HSPG2: variants seen among roughly 807,000 people sequenced by gnomAD.
HSPG2 encodes the protein basement membrane-specific heparan sulfate proteoglycan core protein.
A neutral mutation model predicts 526.6 loss-of-function variants in HSPG2; 278 were observed. The ratio of observed to expected loss-of-function variants is 0.53; its 90% CI spans 0.48 to 0.58. The LOEUF is 0.58. Ranked by LOEUF, HSPG2 falls within the 20% of genes least tolerant of loss-of-function variation. HSPG2 has a pLI of 0.00. For synonymous variants in HSPG2, 2,465 were observed against 2,555.4 expected (o/e 0.96, Z 1.07); for missense variants, 5,354 against 6,099.5 (o/e 0.88, Z 4.07).
intron 17 of HSPG2, among the ~76,000 whole-genome samples, chr1:21,879,639 G>A (rs937919801): frequency 7.3e-6 from 1 of 137,196 alleles, no homozygotes; most frequent in Non-Finnish European, 1.6e-5. Context: ...CCCTTGTCTG[G>A]ATGCTGTATC....
rs2097956319 is a variant in HSPG2, at chr1:21,823,179, T to C, written c.*137A>G. On this transcript the variant is annotated 3_prime_UTR_variant, in exon 97 of 97. Transcript: ENST00000374695. ...GTGAGGGTGGCATGCCCACCTCCAG[T>C]CCAGCCCAGGGCGGTAGCAGCAAAG... is the stretch of plus-strand genomic sequence containing the variant. The C allele has an allele frequency of 3.4e-6, 3 of 873,166 alleles. No individual in the cohort carries two copies. Among genetic ancestry groups the C allele is most frequent in the African/African-American group, 3.4e-5 (2 of 58,370 alleles). The allele number at this position is 873,166 out of a possible 1,614,324, so 54.1% of individuals were successfully genotyped here.
chr1:21,867,614 G>A lies in HSPG2; in HGVS notation c.4222-1805C>T, dbSNP rs71636994. On this transcript the variant is annotated intron_variant, in intron 33 of 96. Transcript: ENST00000374695. ...CACACAGTTTGAGAATGCATATCAC[G>A]CTTGATAACCCTGCAGTACTCCAGC... Among the ~76,000 whole-genome samples the A allele has an allele frequency of 5.4e-3, 817 of 152,194 alleles. 10 individuals carry two copies. Among genetic ancestry groups the A allele is most frequent in the Non-Finnish European group, 6.6e-3 (452 of 68,006 alleles).
intron 3 of HSPG2, among the ~76,000 whole-genome samples, chr1:21,892,083 A>G (rs529135946): frequency 6.6e-6 from 1 of 152,380 alleles, no homozygotes; most frequent in African/African-American, 2.4e-5. Context: ...TGCTACTGCC[A>G]GGCCCATCCT....
At position 21,893,413 on chromosome 1, in the gene HSPG2, C is replaced by A. The variant is rs562121982; in HGVS notation, c.244+2509G>T. Among the ~76,000 whole-genome samples the A allele has an allele frequency of 6.6e-6, 1 of 152,204 alleles. No homozygotes were observed. The highest frequency in any genetic ancestry group is 1.5e-5 in the Non-Finnish European group (1 of 68,034). On this transcript the variant is annotated intron_variant, in intron 3 of 96. Transcript: ENST00000374695. The surrounding 1 kb of genome is among the most constrained non-coding windows in gnomAD (Gnocchi z 4.3). ...TGGGCAGGGGCAGTGGCTGGCCTAG[C>A]CCCTGGACTCTGCAGGGAGGTGCCT...
chr1:21,857,218 G>T, intron 43 of HSPG2, 23 bp from the exon 44 acceptor site: 1 of 1,614,102 alleles, frequency 6.2e-7, no homozygotes, highest in Non-Finnish European at 8.5e-7. Flanking sequence ...GCGAAAGGGG[G>T]TCATGGGTGG....
chr1:21,832,813 A>G (rs1486207451), intron 80 of HSPG2: 3 of 598,594 alleles, frequency 5.0e-6, no homozygotes, highest in Non-Finnish European at 8.9e-6. Flanking sequence ...CTAGAAAGAA[A>G]CTGAATTTGC....
chr1:21,889,055 A>G (rs1035233823), intron 6 of HSPG2, among the ~76,000 whole-genome samples: 1 of 152,182 alleles, frequency 6.6e-6, no homozygotes, highest in Non-Finnish European at 1.5e-5. Flanking sequence ...CCTCCTGAGT[A>G]GCTAGGACTA....
At chr1:21,856,648 C>T (rs1338828561) in intron 44 of HSPG2, among the ~76,000 whole-genome samples, 1 of 152,108 alleles carries the variant, frequency 6.6e-6, no homozygotes, top group East Asian at 1.9e-4. Context: ...AACTCCTGAC[C>T]TCAAGTGATC....
Position 21,857,364 on chromosome 1 carries a change from G to A in HSPG2, c.5315C>T (p.Thr1772Ile). The A allele has an allele frequency of 6.2e-7, 1 of 1,613,990 alleles. No individual in the cohort carries two copies. Residue 1772 changes from threonine (T) to isoleucine (I), a missense_variant, in exon 43 of 97, where the codon ACA becomes ATA. Thr to Ile is a moderately conservative substitution (Grantham distance 89). Coordinates refer to ENST00000374695, the MANE Select transcript of HSPG2 (RefSeq NM_005529.7). ...LVTEAPSKPI[T>I]VTVEEQRSQS... ...GCTCCGCTGCTCCTCCACAGTCACT[G>A]TGATGGGCTTGCTTGGAGCCTCTGC...
Position 21,853,013 on chromosome 1 carries a change from C to T in HSPG2, c.6497G>A (p.Gly2166Glu). 1 of 1,613,898 alleles carries T rather than the reference C, an allele frequency of 6.2e-7. No individual in the cohort carries two copies. Among genetic ancestry groups the T allele is most frequent in the Middle Eastern group, 1.6e-4 (1 of 6,062 alleles). The change falls in exon 51 of 97, where the codon GGG (glycine) becomes GAG (glutamate). Residue 2166 changes from glycine to glutamate, a missense_variant. Gly to Glu is a moderately conservative substitution (Grantham distance 98). Coordinates refer to ENST00000374695, the MANE Select transcript of HSPG2 (RefSeq NM_005529.7). ...CACGCAGTTCAGATCCAGGGTCTGC[C>T]CTTCCGCCACGTGTGAGGAGGAGGG... ...IEPSSSHVAE[G>E]QTLDLNCVVP... is the part of the protein sequence containing the mutation.
At position 21,848,457 on chromosome 1, in the gene HSPG2, G is replaced by T. The variant is rs1400543399; in HGVS notation, c.7737+186C>A. Among the ~76,000 whole-genome samples the T allele has an allele frequency of 6.6e-6, 1 of 152,096 alleles. No individual in the cohort carries two copies. On this transcript the variant is annotated intron_variant, in intron 59 of 96. Transcript: ENST00000374695. The surrounding 1 kb of genome is among the most constrained non-coding windows in gnomAD (Gnocchi z 4.9). Reference sequence around the variant, plus strand: ...TTCAGTGAGATTTGGTGCAGAAGTGGATCTCCCTGAGGTCAGGGAGCCTTA... The same window carrying T: ...TTCAGTGAGATTTGGTGCAGAAGTGTATCTCCCTGAGGTCAGGGAGCCTTA...
intron 13 of HSPG2, among the ~76,000 whole-genome samples, chr1:21,882,551 A>G (rs1641598520): frequency 6.6e-6 from 1 of 152,028 alleles, no homozygotes; most frequent in Admixed American, 6.6e-5. Flanking sequence ...TACACTCTTC[A>G]TTACGGTAGC....
At chr1:21,843,178 G>A (rs1465112595) in intron 66 of HSPG2, 119 bp downstream of exon 66, 2 of 1,460,112 alleles carry the variant, frequency 1.4e-6, no homozygotes. Context: ...ATCCTCCGTG[G>A]TAGGAAACCC....
At chr1:21,901,010 T>C (rs937085836) in intron 1 of HSPG2, among the ~76,000 whole-genome samples, 3 of 152,168 alleles carry the variant, frequency 2.0e-5, no homozygotes, top group Non-Finnish European at 4.4e-5. Context: ...AATATTACCG[T>C]TGTTTGATCA....
chr1:21,855,496 G>A (rs551682191), intron 46 of HSPG2, 27 bp downstream of exon 46: 1 of 1,611,496 alleles, frequency 6.2e-7, no homozygotes, highest in East Asian at 2.2e-5. Context: ...CACACTCCCG[G>A]CCCCCACCCT....
chr1:21,875,395 G>A (rs553703662), intron 25 of HSPG2, among the ~76,000 whole-genome samples: 24 of 152,138 alleles, frequency 1.6e-4, no homozygotes, highest in East Asian at 9.7e-4. Flanking sequence ...CCCCTCCTGC[G>A]TCCCTCTCCT....
At position 21,874,718 on chromosome 1, in the gene HSPG2, T is replaced by C; in HGVS notation, c.3426A>G (p.Thr1142=). 2 of 1,602,642 alleles carry C rather than the reference T, an allele frequency of 1.2e-6. No homozygotes were observed. The highest frequency in any genetic ancestry group is 1.1e-5 in the South Asian group (1 of 89,348). The stretch of plus-strand genomic sequence containing the variant: ...GGCCACTGGGCGTGCGTGTGTAGCC[T>C]GTGTCACAGTCCTGGGGGCAGAAAG... ...YRGPSCQDCD[T]GYTRTPSGLY... is the part of the protein sequence containing the mutation. Residue 1142 remains threonine (T), a synonymous_variant, in exon 27 of 97, where the codon ACA becomes ACG. Transcript: ENST00000374695.
At chr1:21,915,673 T>C (rs1237007309) in intron 1 of HSPG2, among the ~76,000 whole-genome samples, 1 of 152,210 alleles carries the variant, frequency 6.6e-6, no homozygotes, top group Non-Finnish European at 1.5e-5. Flanking sequence ...CAGAACTTTC[T>C]GGTGCAATGG....
At chr1:21,922,001 G>A (rs1410504050) in intron 1 of HSPG2, among the ~76,000 whole-genome samples, 3 of 152,320 alleles carry the variant, frequency 2.0e-5, no homozygotes, top group Middle Eastern at 3.4e-3. Context: ...GGGGTGAGGT[G>A]GCAGGTGGGG....
Sources: allele counts gnomAD v4.1 joint callset (sites outside exome capture counted in the v4.1 genomes callset), GRCh38; gene constraint gnomAD v4.1.1; non-coding constraint Gnocchi (gnomAD v3.1); transcripts MANE v1.5; gene names NCBI Gene and HGNC (gene_info 2026-07-23, HGNC 2026-07-21).